The following ATRNL1 variants were observed in gnomAD, a reference collection of about 807,000 sequenced individuals.
ATRNL1 encodes attractin like 1.
ATRNL1 carries 95 observed loss-of-function variants against 182.7 expected under a neutral mutation model. That is an observed-to-expected ratio of 0.52 (90% CI 0.44 to 0.62). The LOEUF (loss-of-function observed/expected upper bound fraction) is 0.62, where lower values mean the gene tolerates loss of function less well. Ranked by LOEUF, ATRNL1 falls within the 20% of genes least tolerant of loss-of-function variation. ATRNL1 has a pLI of 0.00. For missense variants in ATRNL1, 1,471 were observed against 1,679.5 expected, an observed-to-expected ratio of 0.88 and a Z score of 2.17; for synonymous variants, 576 against 568.3, an observed-to-expected ratio of 1.01 and a Z score of -0.19.
At chr10:115,213,112 T>A (rs1849094851) in intron 8 of ATRNL1, among the ~76,000 whole-genome samples, 1 of 152,174 alleles carries the variant, frequency 6.6e-6, no homozygotes, top group African/African-American at 2.4e-5. Flanking sequence ...TAGTATTACT[T>A]GATTGTCTCT....
At chr10:115,707,884 T>C (rs1225314890) in intron 26 of ATRNL1, among the ~76,000 whole-genome samples, 1 of 151,654 alleles carries the variant, frequency 6.6e-6, no homozygotes, top group African/African-American at 2.4e-5. Flanking sequence ...ATATGTGGAC[T>C]TTTGATGTTT....
At chr10:115,520,696 C>A (rs1248774634) in intron 25 of ATRNL1, among the ~76,000 whole-genome samples, 3 of 152,142 alleles carry the variant, frequency 2.0e-5, no homozygotes, top group African/African-American at 7.2e-5. Flanking sequence ...TGATATCTCT[C>A]CTAATTCCTC....
At chr10:115,365,668 A>G (rs1421490487) in intron 19 of ATRNL1, among the ~76,000 whole-genome samples, 11 of 150,298 alleles carry the variant, frequency 7.3e-5, no homozygotes, top group Non-Finnish European at 1.0e-4. Flanking sequence ...AGTGCTATAA[A>G]TTTCCCTCTA....
At position 115,713,705 on chromosome 10, in the gene ATRNL1, C is replaced by CATCT. The variant is rs1555055341; in HGVS notation, c.3796-13500_3796-13497dup. Among the ~76,000 whole-genome samples the CATCT allele has an allele frequency of 6.5e-3, 655 of 101,254 alleles. 8 individuals are homozygous for CATCT. The highest frequency in any genetic ancestry group is 0.018 in the African/African-American group (528 of 29,640). 66.4% of individuals were successfully genotyped at this position (101,254 alleles called of 152,430 possible). A position where few individuals can be genotyped will look rare whatever the true frequency, so the allele number is the denominator to read the frequency against. ...TCTATCTATCTATCTATCTATCTAT[C>CATCT]ATCTATCTATCTATCTATCTATCTA... On this transcript the variant is annotated intron_variant, in intron 26 of 28. Transcript: ENST00000355044.
intron 28 of ATRNL1, among the ~76,000 whole-genome samples, chr10:115,850,091 G>C (rs181124816): frequency 6.6e-6 from 1 of 152,058 alleles, no homozygotes; most frequent in Non-Finnish European, 1.5e-5. Context: ...GTAAGACAGT[G>C]GTTCTACTCT....
chr10:115,129,519 C>T lies in ATRNL1; in HGVS notation c.813C>T (p.Cys271=). 1 of 1,613,930 alleles carries T rather than the reference C, an allele frequency of 6.2e-7. No individual in the cohort carries two copies. Among genetic ancestry groups the T allele is most frequent in the East Asian group, 2.2e-5 (1 of 44,866 alleles). ...CDLTGEKLCV[C]NDSWQGPDCS... ...TGACTGGAGAAAAATTATGTGTCTG[C>T]AATGATAGTTGGCAAGGTAAGCATG... The change falls in exon 5 of 29, where the codon TGC becomes TGT. Residue 271 remains cysteine (C), a synonymous_variant. Transcript: ENST00000355044.
intron 26 of ATRNL1, among the ~76,000 whole-genome samples, chr10:115,602,588 G>A (rs56399925): frequency 0.023 from 3,532 of 152,228 alleles, 128 homozygotes; most frequent in African/African-American, 0.08. Context: ...TCATGGCCGG[G>A]CGCAGTGGCT....
At chr10:115,103,249 G>A (rs1363347040) in intron 1 of ATRNL1, among the ~76,000 whole-genome samples, 2 of 151,950 alleles carry the variant, frequency 1.3e-5, no homozygotes, top group Non-Finnish European at 2.9e-5. Flanking sequence ...ATGTTGGCTA[G>A]GCTGGTCTCG....
intron 26 of ATRNL1, among the ~76,000 whole-genome samples, chr10:115,638,807 G>A (rs1555029201): frequency 6.6e-6 from 1 of 152,156 alleles, no homozygotes; most frequent in Non-Finnish European, 1.5e-5. Flanking sequence ...AAGTAGAGAT[G>A]ACAGAGAATT....
At chr10:115,336,410 A>G (rs1419960252) in intron 19 of ATRNL1, among the ~76,000 whole-genome samples, 2 of 152,220 alleles carry the variant, frequency 1.3e-5, no homozygotes, top group African/African-American at 4.8e-5. Flanking sequence ...TAAAAAGACC[A>G]AGGTTTTCAA....
Position 115,818,281 on chromosome 10 carries a change from G to A in ATRNL1, c.3904-29596G>A, listed in dbSNP as rs542753424. On this transcript the variant is annotated intron_variant, in intron 27 of 28. Transcript: ENST00000355044. ...GAAGCATGGAGCTGCTGAGCTTTAT[G>A]AAAAGGTATAGACTTTTATTACCAT... Among the ~76,000 whole-genome samples, 17 of 148,586 alleles carry A rather than the reference G, an allele frequency of 1.1e-4. No homozygotes were observed. In the South Asian group the frequency reaches 3.5e-3, roughly 31 times the overall value.
chr10:115,769,891 G>A (rs1948945549), intron 27 of ATRNL1, among the ~76,000 whole-genome samples: 1 of 152,034 alleles, frequency 6.6e-6, no homozygotes, highest in East Asian at 1.9e-4. Flanking sequence ...TTAGGTTCTT[G>A]ACTTCTTTGT....
At chr10:115,926,072 T>G (rs1309979625) in intron 28 of ATRNL1, among the ~76,000 whole-genome samples, 1 of 152,156 alleles carries the variant, frequency 6.6e-6, no homozygotes, top group African/African-American at 2.4e-5. Context: ...CAGACCATAG[T>G]GCAATCAAAT....
chr10:115,269,833 T>TA (rs1367410950), intron 13 of ATRNL1, among the ~76,000 whole-genome samples: 169 of 152,172 alleles, frequency 1.1e-3, no homozygotes, highest in African/African-American at 4.0e-3. Context: ...ATTGTATAAT[T>TA]AAAAAAATTC....
chr10:115,461,188 T>A (rs1350536094), intron 21 of ATRNL1, among the ~76,000 whole-genome samples: 1 of 152,080 alleles, frequency 6.6e-6, no homozygotes, highest in African/African-American at 2.4e-5. Flanking sequence ...TAATCTATAT[T>A]TATTTAAAAT....
At chr10:115,543,891 T>TTTTC (rs1276726117) in intron 25 of ATRNL1, among the ~76,000 whole-genome samples, 4 of 152,140 alleles carry the variant, frequency 2.6e-5, no homozygotes, top group Admixed American at 1.3e-4. Flanking sequence ...TTAATGTTTG[T>TTTTC]TTTCTTTCTT....
chr10:115,513,181 G>A (rs952174153), intron 24 of ATRNL1, among the ~76,000 whole-genome samples: 1 of 151,960 alleles, frequency 6.6e-6, no homozygotes, highest in African/African-American at 2.4e-5. Context: ...ATTAGAAGGG[G>A]CCTGGAACTG....
At chr10:115,144,003 CAG>C (rs1845863312) in intron 5 of ATRNL1, among the ~76,000 whole-genome samples, 1 of 144,778 alleles carries the variant, frequency 6.9e-6, no homozygotes, top group African/African-American at 2.6e-5. Context: ...TTTTTTGAGA[CAG>C]AGTCTTTCAC....
chr10:115,888,017 C>T (rs782199334), intron 28 of ATRNL1, among the ~76,000 whole-genome samples: 11 of 152,142 alleles, frequency 7.2e-5, no homozygotes, highest in South Asian at 2.1e-4. Context: ...TTGCTTAAAA[C>T]GTCCAAAGGA....
Sources: allele counts gnomAD v4.1 joint callset (sites outside exome capture counted in the v4.1 genomes callset), GRCh38; gene constraint gnomAD v4.1.1; transcripts MANE v1.5; gene names NCBI Gene and HGNC (gene_info 2026-07-23, HGNC 2026-07-21).